ARHGAP27: variants seen among roughly 807,000 people sequenced by gnomAD.
The protein encoded by ARHGAP27 is Rho GTPase activating protein 27.
ARHGAP27 carries 53 observed loss-of-function variants against 102.0 expected under a neutral mutation model. The ratio of observed to expected loss-of-function variants is 0.52; its 90% CI spans 0.42 to 0.65. ARHGAP27 has a LOEUF of 0.65. ARHGAP27 is among the 30% of genes least tolerant of loss of function. The pLI, the probability that ARHGAP27 is intolerant of heterozygous loss-of-function variation, is 0.00. For synonymous variants in ARHGAP27, 525 were observed against 542.8 expected (o/e 0.97, Z 0.46); for missense variants, 1,117 against 1,256.2 (o/e 0.89, Z 1.68).
Position 45,429,761 on chromosome 17 carries a change from T to G in ARHGAP27, c.519A>C (p.Gly173=). The G allele has an allele frequency of 6.5e-7, 1 of 1,532,820 alleles. No individual in the cohort carries two copies. Among genetic ancestry groups the G allele is most frequent in the Non-Finnish European group, 8.8e-7 (1 of 1,141,246 alleles). 95.0% of individuals were successfully genotyped at this position (1,532,820 alleles called of 1,614,324 possible). The change falls in exon 4 of 20, where the codon GGA becomes GGC. Residue 173 remains glycine, a synonymous_variant. Transcript: ENST00000685559. ...TGCAGGCCTTGAAGCTGCCGCTGCTTCCTAGGAGGCCGGCGGGAGGCGAGA... is the reference window on the plus strand; with the variant it reads ...TGCAGGCCTTGAAGCTGCCGCTGCTGCCTAGGAGGCCGGCGGGAGGCGAGA... ...AAVSPPAGLL[G]SSGSFKACSV... is the part of the protein sequence containing the mutation.
chr17:45,425,017 CG>C (rs2049426158), intron 4 of ARHGAP27, among the ~76,000 whole-genome samples: 1 of 7,982 alleles, frequency 1.3e-4, no homozygotes, highest in Non-Finnish European at 2.3e-4. Flanking sequence ...CCAGGGGGTG[CG>C]GGGGGTGGGC....
intron 11 of ARHGAP27, 49 bp from the exon 12 acceptor site, chr17:45,402,867 C>T (rs1400374358): frequency 6.7e-7 from 1 of 1,482,928 alleles, no homozygotes; most frequent in Admixed American, 1.7e-5. Context: ...TCAGATGTGT[C>T]TGCTGTGGCA....
chr17:45,429,221 C>A, intron 4 of ARHGAP27: 1 of 424,374 alleles, frequency 2.4e-6, no homozygotes, highest in Non-Finnish European at 4.1e-6. Context: ...GGGGCACACA[C>A]CTGCAGTAGG....
rs17630836 is a variant in ARHGAP27 at position 45,396,274 on chromosome 17, G to A, written c.2184C>T (p.Ile728=). Residue 728 remains isoleucine, a synonymous_variant, in exon 17 of 20, where the codon ATC becomes ATT. Coordinates refer to ENST00000685559, the MANE Select transcript of ARHGAP27 (RefSeq NM_001282290.2). ...TTCCACTGATGCGGTACAGCCCGTCGATGTCCAGCCCTGGGCCAGAGGGAG... is the reference window on the plus strand; with the variant it reads ...TTCCACTGATGCGGTACAGCCCGTCAATGTCCAGCCCTGGGCCAGAGGGAG... The part of the protein sequence containing the change: ...IRAVEARGLD[I]DGLYRISGNL... 1 of 1,612,532 alleles carries A rather than the reference G, an allele frequency of 6.2e-7. No individual in the cohort carries two copies. The highest frequency in any genetic ancestry group is 8.5e-7 in the Non-Finnish European group (1 of 1,179,398).
At chr17:45,411,310 C>T (rs895258244) in intron 4 of ARHGAP27, among the ~76,000 whole-genome samples, 1 of 152,056 alleles carries the variant, frequency 6.6e-6, no homozygotes, top group Non-Finnish European at 1.5e-5. Flanking sequence ...GCTTCCTCCC[C>T]AGGCTTAAGG....
At position 45,394,409 on chromosome 17, in the gene ARHGAP27, A is replaced by G. The variant is rs2045366719; in HGVS notation, c.*1047T>C. The G allele has an allele frequency of 1.3e-5, 2 of 152,262 alleles. No homozygotes were observed. Among genetic ancestry groups the G allele is most frequent in the African/African-American group, 4.8e-5 (2 of 41,404 alleles). 9.4% of individuals were successfully genotyped at this position (152,262 alleles called of 1,614,324 possible). A position where few individuals can be genotyped will look rare whatever the true frequency, so the allele number is the denominator to read the frequency against. ...CTCTTCGTGGCAAAGCGGGCCCCAG[A>G]TGGGTGTACTTGTGTGTCAGAGTGC... is the stretch of plus-strand genomic sequence containing the variant. On this transcript the variant is annotated 3_prime_UTR_variant, in exon 20 of 20. Transcript: ENST00000685559.
At chr17:45,400,893 C>A (rs181783852) in intron 12 of ARHGAP27, among the ~76,000 whole-genome samples, 23 of 151,806 alleles carry the variant, frequency 1.5e-4, no homozygotes, top group Admixed American at 5.3e-4. Context: ...TCAGCCTGGG[C>A]AACAGAGTGA....
chr17:45,405,080 G>C lies in ARHGAP27; in HGVS notation c.1092C>G (p.Pro364=). The change falls in exon 6 of 20, where the codon CCC becomes CCG. Residue 364 remains proline (P), a synonymous_variant. Transcript: ENST00000685559. ...CCTCGGGGTAACTGGTCAGCGACTC[G>C]GGGTAGTCCGTCTCGGGAGTGGGGG... ...PRPPTPETDY[P]ESLTSYPEED... is the part of the protein sequence containing the mutation. 6.3e-7 allele frequency: 1 copy of C among 1,595,534 alleles called. No homozygotes were observed. The highest frequency in any genetic ancestry group is 8.6e-7 in the Non-Finnish European group (1 of 1,168,984).
chr17:45,403,245 C>T (rs998655646), intron 11 of ARHGAP27, among the ~76,000 whole-genome samples: 1 of 152,192 alleles, frequency 6.6e-6, no homozygotes, highest in African/African-American at 2.4e-5. Flanking sequence ...CAGACCTGGT[C>T]ATCTCCAAGC....
rs1373837096 is a variant in ARHGAP27, at chr17:45,395,460, T to TGCG, written c.2663_2665dup (p.Pro888dup). The TGCG allele has an allele frequency of 6.4e-7, 1 of 1,558,182 alleles. No homozygotes were observed. The highest frequency in any genetic ancestry group is 8.7e-7 in the Non-Finnish European group (1 of 1,150,158). ...GCCCCAGTCACAGGCCAGCAGTCAG[T>TGCG]GCGGCGGGAAGATGTCCGCGCACTG... is the stretch of plus-strand genomic sequence containing the variant. On this transcript the variant is annotated inframe_insertion, in exon 20 of 20. Coordinates refer to ENST00000685559, the MANE Select transcript of ARHGAP27 (RefSeq NM_001282290.2).
chr17:45,416,004 C>T (rs2048406592), intron 4 of ARHGAP27, among the ~76,000 whole-genome samples: 1 of 150,610 alleles, frequency 6.6e-6, no homozygotes, highest in Non-Finnish European at 1.5e-5. Flanking sequence ...AGGGTGTTTA[C>T]TTTTCAGAGA....
intron 4 of ARHGAP27, among the ~76,000 whole-genome samples, chr17:45,422,515 A>G (rs1484409976): frequency 6.6e-6 from 1 of 152,224 alleles, no homozygotes; most frequent in Non-Finnish European, 1.5e-5. Flanking sequence ...GTACAAAAAA[A>G]AGATAAAGTA....
At chr17:45,410,233 T>C in intron 4 of ARHGAP27, 1 of 1,533,902 alleles carries the variant, frequency 6.5e-7, no homozygotes, top group East Asian at 2.5e-5. Context: ...ATCCCCTACC[T>C]GTGCCGGCAA....
At chr17:45,414,049 T>C (rs1298797126) in intron 4 of ARHGAP27, among the ~76,000 whole-genome samples, 2 of 149,514 alleles carry the variant, frequency 1.3e-5, no homozygotes, top group Non-Finnish European at 3.0e-5. Flanking sequence ...GAGGTTACAG[T>C]GAACCAAGAT....
intron 4 of ARHGAP27, among the ~76,000 whole-genome samples, chr17:45,421,466 A>G (rs941490811): frequency 6.6e-6 from 1 of 152,048 alleles, no homozygotes; most frequent in African/African-American, 2.4e-5. Flanking sequence ...TGGGTGGCAC[A>G]GTAGACCCTG....
chr17:45,410,941 C>T (rs2047842416), intron 4 of ARHGAP27, among the ~76,000 whole-genome samples: 1 of 152,100 alleles, frequency 6.6e-6, no homozygotes, highest in African/African-American at 2.4e-5. Flanking sequence ...ATTCTGACCA[C>T]ATCACTATCT....
rs1239480818 is a variant in ARHGAP27 at position 45,430,187 on chromosome 17, C to T, written c.93G>A (p.Pro31=). Residue 31 remains proline, a synonymous_variant, in exon 4 of 20, where the codon CCG becomes CCA. Coordinates refer to ENST00000685559, the MANE Select transcript of ARHGAP27 (RefSeq NM_001282290.2). This position sits in a 1 kb window ranked among gnomAD's most constrained non-coding sequence, Gnocchi z 4.4. ...GKDGRRVAIR[P]NERYRLLRRS... is the part of the protein sequence containing the mutation. ...GCCGCAGCAGCCGGTAGCGCTCATT[C>T]GGCCGGATGGCCACGCGGCGCCCGT... 1 of 1,545,162 alleles carries T rather than the reference C, an allele frequency of 6.5e-7. No individual in the cohort carries two copies. The highest frequency in any genetic ancestry group is 1.9e-5 in the Admixed American group (1 of 52,264).
At position 45,394,106 on chromosome 17, in the gene ARHGAP27, A is replaced by C. The variant is rs1206220611; in HGVS notation, c.*1350T>G. 1.3e-5 allele frequency: 2 copies of C among 152,694 alleles called. No individual in the cohort carries two copies. The highest frequency in any genetic ancestry group is 4.8e-5 in the African/African-American group (2 of 41,460). The allele number at this position is 152,694 out of a possible 1,614,324, so 9.5% of individuals were successfully genotyped here. A position where few individuals can be genotyped will look rare whatever the true frequency, so the allele number is the denominator to read the frequency against. On this transcript the variant is annotated 3_prime_UTR_variant, in exon 20 of 20. Coordinates refer to ENST00000685559, the MANE Select transcript of ARHGAP27 (RefSeq NM_001282290.2). ...CCCATGCAGTGCCCCTGCCCAGAGC[A>C]CAGCACCTGGCACAGAGGAGCAGAC...
intron 4 of ARHGAP27, among the ~76,000 whole-genome samples, chr17:45,413,608 C>G (rs1400088168): frequency 1.3e-5 from 2 of 152,188 alleles, no homozygotes; most frequent in African/African-American, 4.8e-5. Context: ...TTCTGCTTTT[C>G]TGACTTCGGG....
Sources: gnomAD v4.1 joint callset for allele counts (sites outside exome capture counted in the v4.1 genomes callset) on GRCh38, gnomAD v4.1.1 for gene constraint, Gnocchi (gnomAD v3.1) non-coding constraint, MANE v1.5 for transcripts, NCBI Gene and HGNC (gene_info 2026-07-23, HGNC 2026-07-21) for gene names.